The following TDRD1 variants were observed in gnomAD, a reference collection of about 807,000 sequenced individuals.
The protein encoded by TDRD1 is tudor domain-containing protein 1.
A neutral mutation model predicts 140.6 loss-of-function variants in TDRD1; 37 were observed. The observed-to-expected ratio is 0.26, with a 90% CI of 0.20 to 0.35. TDRD1 has a LOEUF of 0.35. TDRD1 is among the 10% of genes least tolerant of loss of function. TDRD1 has a pLI of 1.00. For synonymous variants in TDRD1, 506 were observed against 475.7 expected (o/e 1.06, Z -0.83); for missense variants, 1,243 against 1,393.0 (o/e 0.89, Z 1.71).
chr10:114,199,102 G>A, intron 3 of TDRD1, 71 bp from the exon 4 acceptor site: 1 of 1,514,986 alleles, frequency 6.6e-7, no homozygotes, highest in Non-Finnish European at 8.9e-7. Flanking sequence ...ATCTGAAGTA[G>A]TCCCAAATCT....
At chr10:114,218,422 A>G in exon 18 of TDRD1, 2 of 1,583,784 alleles carry the variant, frequency 1.3e-6, no homozygotes, top group Non-Finnish European at 1.7e-6. Context: ...AGGTGATGGT[A>G]GTTGGTATCG....
intron 21 of TDRD1, among the ~76,000 whole-genome samples, chr10:114,225,610 A>G (rs1230392321): frequency 6.6e-6 from 1 of 152,044 alleles, no homozygotes; most frequent in Non-Finnish European, 1.5e-5. Flanking sequence ...CTGTAATCCC[A>G]TCACTTTCGG....
intron 14 of TDRD1, 103 bp from the exon 15 acceptor site, chr10:114,213,243 G>A (rs2035602002): frequency 9.6e-7 from 1 of 1,043,132 alleles, no homozygotes. Context: ...TTCCGTTCCA[G>A]TGTTTGCCAT....
At chr10:114,216,443 T>C (rs1230833507) in intron 16 of TDRD1, among the ~76,000 whole-genome samples, 1 of 152,218 alleles carries the variant, frequency 6.6e-6, no homozygotes, top group Non-Finnish European at 1.5e-5. Context: ...ATCTTAACTT[T>C]TCCAAATCTT....
At chr10:114,209,017 C>T (rs1014469628) in intron 11 of TDRD1, among the ~76,000 whole-genome samples, 2 of 151,980 alleles carry the variant, frequency 1.3e-5, no homozygotes, top group African/African-American at 4.8e-5. Flanking sequence ...CTCCTGACCT[C>T]GTGAACTGCC....
chr10:114,175,386 GAAATAC>G (rs2119820965), upstream of TDRD1, among the ~76,000 whole-genome samples: 1 of 151,804 alleles, frequency 6.6e-6, no homozygotes, highest in African/African-American at 2.4e-5. Context: ...TAAGAGAAAA[GAAATAC>G]AAATATAAAC....
At chr10:114,181,518 C>A (rs1204966311) in intron 1 of TDRD1, among the ~76,000 whole-genome samples, 1 of 152,116 alleles carries the variant, frequency 6.6e-6, no homozygotes, top group Non-Finnish European at 1.5e-5. Context: ...CAGGATGAAC[C>A]AAGTAGGAAT....
At chr10:114,218,836 ACCT>A (rs2035967755) in intron 18 of TDRD1, among the ~76,000 whole-genome samples, 1 of 152,104 alleles carries the variant, frequency 6.6e-6, no homozygotes, top group Non-Finnish European at 1.5e-5. Context: ...TTCCTTAAGA[ACCT>A]CCAGCGTTCA....
chr10:114,221,661 A>G (rs770122441), intron 20 of TDRD1, among the ~76,000 whole-genome samples, 185 bp downstream of exon 20: 3 of 152,208 alleles, frequency 2.0e-5, no homozygotes, highest in Non-Finnish European at 2.9e-5. Context: ...GGGAAGCCCT[A>G]CTACAGTCAG....
At chr10:114,223,738 T>G (rs2036280570) in intron 21 of TDRD1, among the ~76,000 whole-genome samples, 1 of 134,730 alleles carries the variant, frequency 7.4e-6, no homozygotes, top group South Asian at 2.4e-4. Context: ...ACCTTCTCTT[T>G]TGCCACTTTT....
At position 114,211,557 on chromosome 10, in the gene TDRD1, TATTG is replaced by T. The variant is rs1207741679; in HGVS notation, c.1661-303_1661-300del. 5.3e-5 allele frequency among the ~76,000 whole-genome samples: 8 copies of T among 152,356 alleles called. No homozygotes were observed. The East Asian group carries it at 1.5e-3, about 29-fold the overall frequency. ...TAGTCTTGCTATTGAATGCTTCATG[TATTG>T]ATTGAGACCTTGTGATTCACATGAT... On this transcript the variant is annotated intron_variant, in intron 13 of 25. Transcript: ENST00000251864.
chr10:114,203,617 C>A lies in TDRD1; in HGVS notation c.981+50C>A. On this transcript the variant is annotated intron_variant, in intron 8 of 25. Coordinates refer to ENST00000251864, the Ensembl canonical transcript of TDRD1. ...TTAAAACGTTTGAGCTAACTTTGGT[C>A]GTATGAACTGAACACCAGAGCTTTT... The A allele has an allele frequency of 2.0e-6, 3 of 1,507,048 alleles. No homozygotes were observed. In the South Asian group the frequency reaches 3.9e-5, roughly 19 times the overall value. The allele number at this position is 1,507,048 out of a possible 1,614,324, so 93.4% of individuals were successfully genotyped here. A position where few individuals can be genotyped will look rare whatever the true frequency, so the allele number is the denominator to read the frequency against.
At chr10:114,202,843 AC>A (rs1309912432) in intron 6 of TDRD1, among the ~76,000 whole-genome samples, 1 of 152,196 alleles carries the variant, frequency 6.6e-6, no homozygotes, top group African/African-American at 2.4e-5. Flanking sequence ...AATAAAGTCA[AC>A]CTTCTCTTCA....
At chr10:114,198,852 C>T (rs1474036679) in intron 3 of TDRD1, among the ~76,000 whole-genome samples, 1 of 152,140 alleles carries the variant, frequency 6.6e-6, no homozygotes, top group East Asian at 1.9e-4. Flanking sequence ...GAGCTTTTAT[C>T]ATCTCTGCCT....
At chr10:114,196,160 T>C (rs1462434375) in intron 3 of TDRD1, among the ~76,000 whole-genome samples, 1 of 152,186 alleles carries the variant, frequency 6.6e-6, no homozygotes, top group Non-Finnish European at 1.5e-5. Flanking sequence ...TTTCATTTAT[T>C]GGGTCTCGAA....
intron 1 of TDRD1, among the ~76,000 whole-genome samples, chr10:114,184,373 G>A (rs77418254): frequency 1.3e-5 from 2 of 152,306 alleles, no homozygotes; most frequent in East Asian, 3.9e-4. Flanking sequence ...CAAAGGAACC[G>A]CCAGACACAC....
intron 1 of TDRD1, among the ~76,000 whole-genome samples, chr10:114,180,357 T>A (rs1012141103): frequency 6.6e-6 from 1 of 152,220 alleles, no homozygotes; most frequent in Admixed American, 6.5e-5. Context: ...AAAGATGAAG[T>A]GATTTGCCCA....
At chr10:114,216,643 T>C (rs1237615663) in intron 16 of TDRD1, among the ~76,000 whole-genome samples, 1 of 151,634 alleles carries the variant, frequency 6.6e-6, no homozygotes, top group Non-Finnish European at 1.5e-5. Context: ...AGTAGATCTC[T>C]GGGACAAGTT....
upstream of TDRD1, among the ~76,000 whole-genome samples, chr10:114,176,283 T>C (rs2032695085): frequency 6.7e-6 from 1 of 149,248 alleles, no homozygotes; most frequent in African/African-American, 2.5e-5. The surrounding 1 kb of genome is among the most constrained non-coding windows in gnomAD (Gnocchi z 4.2). Context: ...ATCAACAAAA[T>C]TGAATGGAAA....
Sources: allele counts gnomAD v4.1 joint callset (sites outside exome capture counted in the v4.1 genomes callset), GRCh38; gene constraint gnomAD v4.1.1; non-coding constraint Gnocchi (gnomAD v3.1); transcripts MANE v1.5; gene names NCBI Gene and HGNC (gene_info 2026-07-23, HGNC 2026-07-21).